The following NCOA3 variants were observed in gnomAD, a reference collection of about 807,000 sequenced individuals.
NCOA3 encodes CBP-interacting protein.
NCOA3 carries 51 observed loss-of-function variants against 158.8 expected under a neutral mutation model. The observed-to-expected ratio is 0.32, with a 90% CI of 0.26 to 0.41. The LOEUF is 0.41. NCOA3 is among the 10% of genes least tolerant of loss of function. NCOA3 has a pLI of 1.00. For synonymous variants in NCOA3, 537 were observed against 592.4 expected (o/e 0.91, Z 1.36); for missense variants, 1,510 against 1,746.6 (o/e 0.86, Z 2.41).
At chr20:47,600,874 A>G (rs1419634490) in intron 2 of NCOA3, among the ~76,000 whole-genome samples, 4 of 152,148 alleles carry the variant, frequency 2.6e-5, no homozygotes, top group Non-Finnish European at 4.4e-5. Context: ...AGTGTTGCTC[A>G]TATGACAACT....
chr20:47,558,422 G>A (rs2085047463), intron 1 of NCOA3, among the ~76,000 whole-genome samples: 2 of 151,620 alleles, frequency 1.3e-5, no homozygotes, highest in African/African-American at 4.8e-5. Flanking sequence ...TTGGATTAGG[G>A]CCACCCTAGT....
intron 2 of NCOA3, among the ~76,000 whole-genome samples, chr20:47,586,467 A>G (rs1252301309): frequency 6.6e-6 from 1 of 151,950 alleles, no homozygotes. Flanking sequence ...TTGTATTCCT[A>G]CAGATAGGGT....
Position 47,501,889 on chromosome 20 carries a change from C to CT in NCOA3, c.-228dup. The CT allele has an allele frequency of 2.5e-6, 1 of 398,894 alleles. No homozygotes were observed. Among genetic ancestry groups the CT allele is most frequent in the Non-Finnish European group, 4.4e-6 (1 of 226,058 alleles). The allele number at this position is 398,894 out of a possible 1,614,324, so 24.7% of individuals were successfully genotyped here. On this transcript the variant is annotated 5_prime_UTR_variant, in exon 1 of 23. Transcript: ENST00000371998. ...AGTGGCCCCCGTGCGGCGACTTTAGCTGCTGCTGTCTCAGCCGCTCCACAG... is the reference window on the plus strand; with the variant it reads ...AGTGGCCCCCGTGCGGCGACTTTAGCTTGCTGCTGTCTCAGCCGCTCCACAG...
chr20:47,612,813 A>G (rs1334270108), intron 2 of NCOA3, among the ~76,000 whole-genome samples: 2 of 152,218 alleles, frequency 1.3e-5, no homozygotes, highest in Non-Finnish European at 2.9e-5. Flanking sequence ...TGATTTGGAT[A>G]TGGATGGAAT....
intron 13 of NCOA3, among the ~76,000 whole-genome samples, chr20:47,638,076 G>T (rs772456976): frequency 6.6e-6 from 1 of 152,098 alleles, no homozygotes; most frequent in Non-Finnish European, 1.5e-5. Flanking sequence ...AGGTACTAGG[G>T]CATATATTTT....
At chr20:47,515,460 TTTTC>T (rs1364755248) in intron 1 of NCOA3, among the ~76,000 whole-genome samples, 18 of 150,522 alleles carry the variant, frequency 1.2e-4, no homozygotes, top group East Asian at 3.9e-4. Flanking sequence ...CACCCGAGCT[TTTTC>T]TTTCTTTCTT....
Position 47,540,104 on chromosome 20 carries a change from G to A in NCOA3, c.-99+38085G>A, listed in dbSNP as rs182952750. On this transcript the variant is annotated intron_variant, in intron 1 of 22. Transcript: ENST00000371998. ...TCCAGATTGAGGTCTCTCAGATTTC[G>A]GAGGCCATGCCCTTTTTACCACCCT... Among the ~76,000 whole-genome samples the A allele has an allele frequency of 2.8e-3, 423 of 152,198 alleles. 10 individuals are homozygous for A. The highest frequency in any genetic ancestry group is 0.026 in the Admixed American group (404 of 15,280).
chr20:47,637,359 A>G (rs1485160867), intron 12 of NCOA3, among the ~76,000 whole-genome samples: 2 of 152,208 alleles, frequency 1.3e-5, no homozygotes, highest in Non-Finnish European at 2.9e-5. Context: ...TTATCAATGC[A>G]CTGCTAGTGA....
intron 6 of NCOA3, 77 bp downstream of exon 6, chr20:47,627,253 T>C: frequency 8.2e-7 from 1 of 1,225,826 alleles, no homozygotes; most frequent in Non-Finnish European, 1.1e-6. Flanking sequence ...GAATGTATCT[T>C]TTAGGAAGTC....
chr20:47,545,574 C>G (rs1568670800), intron 1 of NCOA3, among the ~76,000 whole-genome samples: 1 of 151,704 alleles, frequency 6.6e-6, no homozygotes, highest in African/African-American at 2.4e-5. Context: ...CTTCCTTCCC[C>G]TCTTCTTTTT....
In NCOA3 at chr20:47,625,377, T is replaced by A. The variant is rs1240922944; in HGVS notation, c.257-4T>A. On this transcript the variant is annotated splice_polypyrimidine_tract_variant and splice_region_variant and intron_variant, in intron 4 of 22. Coordinates refer to ENST00000371998, the MANE Select transcript of NCOA3 (RefSeq NM_181659.3). ...ATTCGTTATACCACCTTCTGTCTTT[T>A]CAGGAAAAACTATTTCCAATGATGA... 6.2e-7 allele frequency: 1 copy of A among 1,600,856 alleles called. No individual in the cohort carries two copies. The highest frequency in any genetic ancestry group is 2.2e-5 in the East Asian group (1 of 44,746).
intron 10 of NCOA3, 41 bp downstream of exon 10, chr20:47,634,236 A>C: frequency 6.4e-7 from 1 of 1,567,020 alleles, no homozygotes; most frequent in Non-Finnish European, 8.7e-7. Flanking sequence ...AAAATGCAGC[A>C]GTGTTCTCAA....
At chr20:47,531,934 G>A (rs1273325003) in intron 1 of NCOA3, among the ~76,000 whole-genome samples, 2 of 152,094 alleles carry the variant, frequency 1.3e-5, no homozygotes, top group East Asian at 1.9e-4. Flanking sequence ...CCCCTCAAAC[G>A]TGTACATCCT....
intron 2 of NCOA3, among the ~76,000 whole-genome samples, chr20:47,593,918 T>C (rs185496334): frequency 6.6e-6 from 1 of 152,334 alleles, no homozygotes; most frequent in Admixed American, 6.5e-5. Flanking sequence ...CTTCAGTTTA[T>C]TTTGAAATTA....
intron 2 of NCOA3, among the ~76,000 whole-genome samples, chr20:47,618,167 G>A (rs1490542499): frequency 6.6e-6 from 1 of 151,994 alleles, no homozygotes. Context: ...CCCGGGAGGC[G>A]GAGGTTGCAG....
chr20:47,522,919 G>A (rs1169064604), intron 1 of NCOA3, among the ~76,000 whole-genome samples: 4 of 151,486 alleles, frequency 2.6e-5, no homozygotes, highest in Non-Finnish European at 5.9e-5. Context: ...AGCCCGGCGC[G>A]GTGGCTCACC....
chr20:47,597,277 C>G (rs1245255886), intron 2 of NCOA3, among the ~76,000 whole-genome samples: 2 of 152,106 alleles, frequency 1.3e-5, no homozygotes, highest in East Asian at 3.9e-4. Flanking sequence ...GAATAGTATT[C>G]CCATTTTGTG....
intron 1 of NCOA3, among the ~76,000 whole-genome samples, chr20:47,506,890 G>A (rs1203851516): frequency 6.6e-6 from 1 of 152,140 alleles, no homozygotes; most frequent in Non-Finnish European, 1.5e-5. Flanking sequence ...CTTGGTTAGA[G>A]GCTATGAATG....
At chr20:47,596,460 C>G (rs990872861) in intron 2 of NCOA3, among the ~76,000 whole-genome samples, 1 of 152,116 alleles carries the variant, frequency 6.6e-6, no homozygotes, top group African/African-American at 2.4e-5. Flanking sequence ...AACAACGTTG[C>G]AATGATCATT....
Sources: gnomAD v4.1 joint callset for allele counts (sites outside exome capture counted in the v4.1 genomes callset) on GRCh38, gnomAD v4.1.1 for gene constraint, MANE v1.5 for transcripts, NCBI Gene and HGNC (gene_info 2026-07-23, HGNC 2026-07-21) for gene names.